Variants in PTPN4 observed in about 807,000 individuals in gnomAD.
The protein encoded by PTPN4 is tyrosine-protein phosphatase non-receptor type 4.
PTPN4 carries 49 observed loss-of-function variants against 135.5 expected under a neutral mutation model. That is an observed-to-expected ratio of 0.36 (90% confidence interval 0.29 to 0.46). PTPN4 has a LOEUF of 0.46. PTPN4 is among the 20% of genes least tolerant of loss of function. The probability of loss-of-function intolerance (pLI) is 1.00; values close to 1 mark genes in which losing one functional copy is unlikely to be tolerated. For synonymous variants in PTPN4, 333 were observed against 369.9 expected, an observed-to-expected ratio of 0.90 and a Z score of 1.14; for missense variants, 860 against 1,101.0, an observed-to-expected ratio of 0.78 and a Z score of 3.10.
At chr2:119,847,658 C>T (rs930887518) in intron 2 of PTPN4, among the ~76,000 whole-genome samples, 1 of 152,104 alleles carries the variant, frequency 6.6e-6, no homozygotes, top group Non-Finnish European at 1.5e-5. Context: ...ACTCATTTAC[C>T]TGTACCAGTG....
chr2:119,895,834 G>A (rs1468847691), intron 9 of PTPN4, among the ~76,000 whole-genome samples: 1 of 151,464 alleles, frequency 6.6e-6, no homozygotes, highest in Non-Finnish European at 1.5e-5. Flanking sequence ...GGAGAACGGC[G>A]TGAACCCAGG....
At chr2:119,882,836 G>A (rs1418248924) in intron 8 of PTPN4, among the ~76,000 whole-genome samples, 1 of 152,014 alleles carries the variant, frequency 6.6e-6, no homozygotes, top group Non-Finnish European at 1.5e-5. Context: ...GAGCCATTAA[G>A]CTATCTGTAA....
intron 1 of PTPN4, among the ~76,000 whole-genome samples, chr2:119,808,202 A>T (rs1405013199): frequency 6.6e-6 from 1 of 152,232 alleles, no homozygotes; most frequent in Non-Finnish European, 1.5e-5. Context: ...CTCCTATTCA[A>T]CATAGTGTTG....
At chr2:119,925,377 T>C (rs1391135498) in intron 12 of PTPN4, among the ~76,000 whole-genome samples, 1 of 152,216 alleles carries the variant, frequency 6.6e-6, no homozygotes, top group East Asian at 1.9e-4. Context: ...GCACATTAAA[T>C]TGTATATACA....
intron 3 of PTPN4, among the ~76,000 whole-genome samples, chr2:119,864,716 C>A (rs1312306799): frequency 6.6e-6 from 1 of 152,082 alleles, no homozygotes; most frequent in Admixed American, 6.5e-5. Context: ...AAAGACATAT[C>A]ATATACAAAA....
chr2:119,951,925 T>C (rs1472834498), intron 18 of PTPN4, 48 bp from the exon 19 acceptor site: 1 of 1,479,260 alleles, frequency 6.8e-7, no homozygotes, highest in Non-Finnish European at 9.1e-7. Flanking sequence ...TGCTCTACTT[T>C]CAGAAAGTTG....
At chr2:119,792,303 C>T (rs549912330) in intron 1 of PTPN4, among the ~76,000 whole-genome samples, 1 of 152,174 alleles carries the variant, frequency 6.6e-6, no homozygotes, top group Non-Finnish European at 1.5e-5. Context: ...TGTGTTTTAG[C>T]TTAGTGCAGT....
intron 10 of PTPN4, among the ~76,000 whole-genome samples, chr2:119,908,142 C>T (rs1412606633): frequency 1.3e-5 from 2 of 152,090 alleles, no homozygotes; most frequent in East Asian, 1.9e-4. Flanking sequence ...AGGAAACAAT[C>T]GACAGAGTAT....
intron 12 of PTPN4, among the ~76,000 whole-genome samples, chr2:119,922,319 A>G (rs981143467): frequency 6.6e-6 from 1 of 152,080 alleles, no homozygotes; most frequent in African/African-American, 2.4e-5. Context: ...AGTATTGACA[A>G]ATTTTACATG....
Position 119,983,509 on chromosome 2 carries a change from A to G in PTPN4, c.*6439A>G, listed in dbSNP as rs1470153363. 1.3e-5 allele frequency: 2 copies of G among 152,160 alleles called. No individual in the cohort carries two copies. The highest frequency in any genetic ancestry group is 2.9e-5 in the Non-Finnish European group (2 of 68,034). 9.4% of individuals were successfully genotyped at this position (152,160 alleles called of 1,614,324 possible). Reference sequence around the variant, plus strand: ...GGCACCTGTCTTTTCCCATCTTTTAATGAGTTGGCAAGATTAGGTCAAATT... The same window carrying G: ...GGCACCTGTCTTTTCCCATCTTTTAGTGAGTTGGCAAGATTAGGTCAAATT... On this transcript the variant is annotated 3_prime_UTR_variant, in exon 27 of 27. Transcript: ENST00000263708.
intron 13 of PTPN4, among the ~76,000 whole-genome samples, chr2:119,930,905 G>T (rs927888839): frequency 4.0e-5 from 6 of 151,238 alleles, no homozygotes; most frequent in African/African-American, 1.5e-4. Flanking sequence ...AGCTAAAAAA[G>T]CAAGTCCAAT....
At chr2:119,847,285 C>T (rs868048480) in intron 2 of PTPN4, among the ~76,000 whole-genome samples, 2,676 of 86,416 alleles carry the variant, frequency 0.031, 75 homozygotes, top group Non-Finnish European at 0.043. Context: ...TACACACACA[C>T]ACACACACAC....
chr2:119,897,054 G>A (rs1377699810), intron 9 of PTPN4, among the ~76,000 whole-genome samples: 2 of 152,046 alleles, frequency 1.3e-5, no homozygotes, highest in Non-Finnish European at 2.9e-5. Context: ...TTAAGTAGCT[G>A]GACTAAAGGT....
chr2:119,927,684 A>C (rs894660427), intron 13 of PTPN4, among the ~76,000 whole-genome samples: 7 of 152,190 alleles, frequency 4.6e-5, no homozygotes, highest in Non-Finnish European at 8.8e-5. Context: ...TAGAGACAAG[A>C]GTTTGTTTTC....
intron 2 of PTPN4, among the ~76,000 whole-genome samples, chr2:119,860,974 G>A (rs2104986822): frequency 6.6e-6 from 1 of 151,756 alleles, no homozygotes; most frequent in South Asian, 2.1e-4. Flanking sequence ...GTGGGAGGCG[G>A]AGGTTGCAGT....
At chr2:119,839,818 CTG>C (rs1253979875) in intron 2 of PTPN4, among the ~76,000 whole-genome samples, 13 of 152,230 alleles carry the variant, frequency 8.5e-5, no homozygotes, top group African/African-American at 2.6e-4. Flanking sequence ...AGTTAATTGA[CTG>C]TATTTAAAAT....
intron 10 of PTPN4, among the ~76,000 whole-genome samples, chr2:119,903,623 C>G (rs1678441418): frequency 6.6e-6 from 1 of 152,126 alleles, no homozygotes; most frequent in African/African-American, 2.4e-5. Flanking sequence ...TTGCCTGCCA[C>G]TGGCACCTGT....
At chr2:119,933,578 T>C (rs1678938438) in intron 14 of PTPN4, among the ~76,000 whole-genome samples, 1 of 151,114 alleles carries the variant, frequency 6.6e-6, no homozygotes, top group Non-Finnish European at 1.5e-5. Flanking sequence ...GGGGCAGGGA[T>C]TGCTAGAACC....
At chr2:119,925,093 G>A (rs1678801917) in intron 12 of PTPN4, among the ~76,000 whole-genome samples, 1 of 152,082 alleles carries the variant, frequency 6.6e-6, no homozygotes, top group Admixed American at 6.6e-5. Context: ...TTCCAGTGAA[G>A]AAAAATCAGT....
Sources: gnomAD v4.1 joint callset for allele counts (sites outside exome capture counted in the v4.1 genomes callset) on GRCh38, gnomAD v4.1.1 for gene constraint, MANE v1.5 for transcripts, NCBI Gene and HGNC (gene_info 2026-07-23, HGNC 2026-07-21) for gene names.